Variants in LRP1B observed in about 807,000 individuals in gnomAD.
The protein encoded by LRP1B is LDL receptor related protein 1B.
In LRP1B, 217 loss-of-function variants were observed where a neutral mutation model predicts 556.6. The ratio of observed to expected loss-of-function variants is 0.39; its 90% confidence interval spans 0.35 to 0.44. The LOEUF (loss-of-function observed/expected upper bound fraction) is 0.44, where lower values mean the gene tolerates loss of function less well. LRP1B is among the 20% of genes least tolerant of loss of function. The pLI, the probability that LRP1B is intolerant of heterozygous loss-of-function variation, is 1.00. For synonymous variants in LRP1B, 2,047 were observed against 1,865.8 expected (o/e 1.10, Z -2.50); for missense variants, 5,053 against 5,620.8 (o/e 0.90, Z 3.23).
chr2:140,600,304 T>C (rs1339496460), intron 42 of LRP1B, among the ~76,000 whole-genome samples: 1 of 152,112 alleles, frequency 6.6e-6, no homozygotes, highest in African/African-American at 2.4e-5. Context: ...CAGCAAACCG[T>C]ATTCTCATAG....
chr2:142,053,738 A>T (rs1461689042), intron 1 of LRP1B, among the ~76,000 whole-genome samples: 1 of 152,178 alleles, frequency 6.6e-6, no homozygotes, highest in African/African-American at 2.4e-5. Flanking sequence ...AATTAATTCC[A>T]AAAATAATTA....
At chr2:141,438,764 C>G (rs1385157330) in intron 3 of LRP1B, among the ~76,000 whole-genome samples, 1 of 152,016 alleles carries the variant, frequency 6.6e-6, no homozygotes, top group East Asian at 1.9e-4. Context: ...TTAAACTGAG[C>G]TGAGAAAAGG....
At chr2:140,631,755 C>A (rs1247977117) in intron 41 of LRP1B, among the ~76,000 whole-genome samples, 1 of 150,746 alleles carries the variant, frequency 6.6e-6, no homozygotes, top group African/African-American at 2.5e-5. Flanking sequence ...GGCTATTTTC[C>A]AAAATTAATG....
intron 3 of LRP1B, among the ~76,000 whole-genome samples, chr2:141,372,252 T>C (rs1332726833): frequency 6.6e-6 from 1 of 152,150 alleles, no homozygotes; most frequent in Non-Finnish European, 1.5e-5. Context: ...TATGGTACAG[T>C]ATCTTTTCAT....
chr2:141,858,455 T>C (rs1320750778), intron 1 of LRP1B, among the ~76,000 whole-genome samples: 1 of 152,176 alleles, frequency 6.6e-6, no homozygotes, highest in Non-Finnish European at 1.5e-5. Flanking sequence ...AATGAATGAA[T>C]TCACAGTAAT....
intron 5 of LRP1B, among the ~76,000 whole-genome samples, chr2:141,230,430 C>T (rs990785424): frequency 1.3e-5 from 2 of 152,120 alleles, no homozygotes; most frequent in South Asian, 2.1e-4. Context: ...CCCTTCTCAC[C>T]TTTACAATAT....
At chr2:140,449,530 T>A (rs1318352330) in intron 63 of LRP1B, among the ~76,000 whole-genome samples, 2 of 152,104 alleles carry the variant, frequency 1.3e-5, no homozygotes, top group Non-Finnish European at 2.9e-5. Context: ...GAAACAAGAT[T>A]ATATTAGAAA....
At position 140,869,450 on chromosome 2, in the gene LRP1B, T is replaced by C. The variant is rs529654669; in HGVS notation, c.4170-1187A>G. ...CAATAGTGATGAGACAGTATATCTG[T>C]CTAATCAGTATATACACAGGATATA... On this transcript the variant is annotated intron_variant, in intron 25 of 90. Coordinates refer to ENST00000389484, the MANE Select transcript of LRP1B (RefSeq NM_018557.3). 1.6e-4 allele frequency among the ~76,000 whole-genome samples: 25 copies of C among 152,174 alleles called. No individual in the cohort carries two copies. In the East Asian group the frequency reaches 3.1e-3, roughly 19 times the overall value.
At chr2:141,088,714 G>A (rs895524256) in intron 7 of LRP1B, among the ~76,000 whole-genome samples, 5 of 152,130 alleles carry the variant, frequency 3.3e-5, no homozygotes, top group African/African-American at 7.2e-5. Context: ...AAGGTAAATC[G>A]AAACCATGGT....
At chr2:141,453,426 A>T (rs1239210081) in intron 3 of LRP1B, among the ~76,000 whole-genome samples, 1 of 152,098 alleles carries the variant, frequency 6.6e-6, no homozygotes, top group Non-Finnish European at 1.5e-5. Context: ...ATTAGTTTCC[A>T]TGAGTCTTCC....
At chr2:140,593,372 G>C (rs1054264086) in intron 43 of LRP1B, among the ~76,000 whole-genome samples, 4 of 152,174 alleles carry the variant, frequency 2.6e-5, no homozygotes, top group African/African-American at 9.7e-5. Context: ...AGGGAGATAG[G>C]TTATAATCAT....
At chr2:140,476,053 A>G (rs982689538) in intron 59 of LRP1B, among the ~76,000 whole-genome samples, 5 of 152,068 alleles carry the variant, frequency 3.3e-5, no homozygotes, top group African/African-American at 1.2e-4. Flanking sequence ...AAGTGAATTA[A>G]GTAATATTGA....
chr2:141,898,852 C>T (rs187507894), intron 1 of LRP1B, among the ~76,000 whole-genome samples: 1 of 152,218 alleles, frequency 6.6e-6, no homozygotes, highest in African/African-American at 2.4e-5. Context: ...TAACCACAAC[C>T]AGGTGAGGCA....
intron 1 of LRP1B, among the ~76,000 whole-genome samples, chr2:141,931,022 A>G (rs923139048): frequency 2.0e-5 from 3 of 152,040 alleles, no homozygotes; most frequent in Non-Finnish European, 2.9e-5. Flanking sequence ...CTTGGTGCTT[A>G]CATGACCAAT....
intron 1 of LRP1B, among the ~76,000 whole-genome samples, chr2:141,853,965 G>A (rs1697954225): frequency 6.6e-6 from 1 of 151,856 alleles, no homozygotes; most frequent in African/African-American, 2.4e-5. Context: ...ATGTTTGCAA[G>A]GTTAAGACAG....
At chr2:141,099,727 C>A (rs879557406) in intron 7 of LRP1B, among the ~76,000 whole-genome samples, 2 of 152,150 alleles carry the variant, frequency 1.3e-5, no homozygotes, top group Non-Finnish European at 2.9e-5. Context: ...CCAGATAGAA[C>A]CCTGGAAACT....
At chr2:141,471,281 T>TTGTTTTTG (rs1553518976) in intron 3 of LRP1B, among the ~76,000 whole-genome samples, 2 of 81,764 alleles carry the variant, frequency 2.4e-5, no homozygotes, top group Non-Finnish European at 2.7e-5. Context: ...TTTTTTTTTT[T>TTGTTTTTG]TTTTTTTTTT....
At chr2:141,081,625 G>A (rs986318919) in intron 7 of LRP1B, among the ~76,000 whole-genome samples, 6 of 152,180 alleles carry the variant, frequency 3.9e-5, no homozygotes, top group African/African-American at 1.4e-4. Flanking sequence ...TGATTCCTAC[G>A]GTGGGTGGTA....
In LRP1B at chr2:140,706,242, C is replaced by G. The variant is rs557005792; in HGVS notation, c.6024-3689G>C. Among the ~76,000 whole-genome samples, 18 of 152,188 alleles carry G rather than the reference C, an allele frequency of 1.2e-4. No homozygotes were observed. In the South Asian group the frequency reaches 3.5e-3, roughly 30 times the overall value. ...GACAAAATTACTATTGAGTTTGAAC[C>G]TATTTGAGTTCAAATTTTGCAGTTG... is the stretch of plus-strand genomic sequence containing the variant. On this transcript the variant is annotated intron_variant, in intron 37 of 90. Transcript: ENST00000389484.
Sources: gnomAD v4.1 joint callset for allele counts (sites outside exome capture counted in the v4.1 genomes callset) on GRCh38, gnomAD v4.1.1 for gene constraint, MANE v1.5 for transcripts, NCBI Gene and HGNC (gene_info 2026-07-23, HGNC 2026-07-21) for gene names.